Variants in CUL3 observed in about 807,000 individuals in gnomAD.
CUL3 encodes cullin-3.
A neutral mutation model predicts 89.1 loss-of-function variants in CUL3; 19 were observed. That is an observed-to-expected ratio of 0.21 (90% confidence interval 0.15 to 0.31). CUL3 has a LOEUF of 0.31. Ranked by LOEUF, CUL3 falls within the 10% of genes least tolerant of loss-of-function variation. The pLI, the probability that CUL3 is intolerant of heterozygous loss-of-function variation, is 1.00. For missense variants in CUL3, 469 were observed against 942.3 expected (o/e 0.50, Z 6.58); for synonymous variants, 351 against 308.4 (o/e 1.14, Z -1.45).
chr2:224,533,001 TGAGA>T (rs1693749487), intron 3 of CUL3: 1 of 152,138 alleles, frequency 6.6e-6, no homozygotes. Flanking sequence ...CTCTTTTCTC[TGAGA>T]AATAGAAAGT....
At chr2:224,559,215 T>C (rs1438539923) in intron 1 of CUL3, among the ~76,000 whole-genome samples, 1 of 152,044 alleles carries the variant, frequency 6.6e-6, no homozygotes, top group African/African-American at 2.4e-5. Flanking sequence ...TTTGGGAGAC[T>C]GAGGCAGAAG....
intron 1 of CUL3, 112 bp from the exon 2 acceptor site, chr2:224,557,968 G>A (rs980319645): frequency 3.3e-6 from 2 of 604,340 alleles, no homozygotes; most frequent in African/African-American, 3.8e-5. Flanking sequence ...ATATAGATAT[G>A]ATTATAAATC....
At chr2:224,494,837 A>C (rs1432833913) in intron 13 of CUL3, among the ~76,000 whole-genome samples, 1 of 152,200 alleles carries the variant, frequency 6.6e-6, no homozygotes, top group African/African-American at 2.4e-5. Flanking sequence ...AGGGTAGGCA[A>C]TAATTTCTTA....
rs1245792538 is a variant in CUL3 at position 224,511,372 on chromosome 2, T to G, written c.865A>C (p.Lys289Gln). The change falls in exon 6 of 16, where the codon AAA becomes CAA. Residue 289 changes from lysine (K) to glutamine (Q), a missense_variant. Lys to Gln is a moderately conservative substitution (Grantham distance 53). Coordinates refer to ENST00000264414, the MANE Select transcript of CUL3 (RefSeq NM_003590.5). ...MENSGLVHML[K>Q]NGKTEDLGCM... ...CACTTACCTTCTGTCTTTCCATTTT[T>G]CAACATATGTACTAGCCCAGAATTC... The G allele has an allele frequency of 6.2e-7, 1 of 1,606,094 alleles. No individual in the cohort carries two copies. Among genetic ancestry groups the G allele is most frequent in the South Asian group, 1.1e-5 (1 of 89,516 alleles).
At chr2:224,550,940 T>C (rs1694489986) in intron 2 of CUL3, among the ~76,000 whole-genome samples, 2 of 152,202 alleles carry the variant, frequency 1.3e-5, no homozygotes, top group Non-Finnish European at 2.9e-5. Flanking sequence ...TGGCATGATA[T>C]GATCTGGCTT....
At chr2:224,581,650 G>A (rs921524480) in intron 1 of CUL3, among the ~76,000 whole-genome samples, 1 of 151,154 alleles carries the variant, frequency 6.6e-6, no homozygotes, top group Non-Finnish European at 1.5e-5. Context: ...TTATAGGCGT[G>A]TATCACCACA....
At chr2:224,515,258 T>C (rs1692996921) in intron 3 of CUL3, among the ~76,000 whole-genome samples, 1 of 152,240 alleles carries the variant, frequency 6.6e-6, no homozygotes, top group Non-Finnish European at 1.5e-5. Flanking sequence ...GCATTAAGTA[T>C]TACATAATTA....
chr2:224,490,584 G>A (rs936989433), intron 13 of CUL3, among the ~76,000 whole-genome samples: 1 of 151,972 alleles, frequency 6.6e-6, no homozygotes, highest in African/African-American at 2.4e-5. Flanking sequence ...TCCGCACAAG[G>A]GGAGAAAAAC....
At chr2:224,497,985 T>C (rs1574629403) in intron 11 of CUL3, 136 bp from the exon 12 acceptor site, 3 of 663,316 alleles carry the variant, frequency 4.5e-6, no homozygotes, top group East Asian at 2.8e-5. Context: ...AAGGAAACTT[T>C]AGGAATCAAG....
intron 1 of CUL3, chr2:224,563,075 C>T (rs1032808388): frequency 2.5e-5 from 9 of 366,748 alleles, no homozygotes; most frequent in African/African-American, 1.1e-4. Flanking sequence ...ATCTCTTGAA[C>T]GCTCATCGAC....
chr2:224,542,584 C>G (rs529916956), intron 2 of CUL3, among the ~76,000 whole-genome samples: 1 of 151,806 alleles, frequency 6.6e-6, no homozygotes, highest in Non-Finnish European at 1.5e-5. Context: ...CGCGCGCATG[C>G]GTGTGTAGGT....
At chr2:224,501,459 T>G (rs1692385786) in intron 10 of CUL3, among the ~76,000 whole-genome samples, 1 of 152,210 alleles carries the variant, frequency 6.6e-6, no homozygotes, top group Non-Finnish European at 1.5e-5. Flanking sequence ...CAACAAAAAC[T>G]CTTAAAGATT....
rs1446452349 is a variant in CUL3, at chr2:224,470,987, T to A, written c.*3258A>T. On this transcript the variant is annotated 3_prime_UTR_variant, in exon 16 of 16. Transcript: ENST00000264414. Reference sequence around the variant, plus strand: ...CAACACTGGTATAATGACAGTTATGTCACATAAAGCCAATATGACAACTAA... The same window carrying A: ...CAACACTGGTATAATGACAGTTATGACACATAAAGCCAATATGACAACTAA... 4.4e-6 allele frequency: 1 copy of A among 228,642 alleles called. No individual in the cohort carries two copies. The highest frequency in any genetic ancestry group is 5.7e-5 in the Admixed American group (1 of 17,644). 14.2% of individuals were successfully genotyped at this position (228,642 alleles called of 1,614,324 possible).
At chr2:224,542,334 CTTTT>C (rs1559198768) in intron 2 of CUL3, among the ~76,000 whole-genome samples, 2 of 152,126 alleles carry the variant, frequency 1.3e-5, no homozygotes, top group Admixed American at 1.3e-4. Flanking sequence ...AAACCTTTTT[CTTTT>C]TTTAAGAAAC....
intron 1 of CUL3, among the ~76,000 whole-genome samples, chr2:224,565,340 G>C (rs868045297): frequency 4.4e-4 from 67 of 152,302 alleles, no homozygotes; most frequent in Middle Eastern, 6.8e-3. Flanking sequence ...ACATTCAGTA[G>C]GCTGAGGTGT....
intron 13 of CUL3, among the ~76,000 whole-genome samples, chr2:224,489,430 GC>G (rs1691866861): frequency 6.6e-6 from 1 of 152,196 alleles, no homozygotes; most frequent in Non-Finnish European, 1.5e-5. Flanking sequence ...AAATCAATGT[GC>G]AGAAATCACA....
intron 1 of CUL3, among the ~76,000 whole-genome samples, chr2:224,561,923 G>C (rs1020391288): frequency 6.6e-6 from 1 of 152,192 alleles, no homozygotes; most frequent in East Asian, 1.9e-4. Flanking sequence ...AAAATACTCA[G>C]AACAATTTCA....
chr2:224,501,378 C>T (rs1482635711), intron 10 of CUL3, among the ~76,000 whole-genome samples: 1 of 152,176 alleles, frequency 6.6e-6, no homozygotes, highest in Non-Finnish European at 1.5e-5. Context: ...TACTTCTATG[C>T]TAGTATCAAC....
intron 2 of CUL3, among the ~76,000 whole-genome samples, chr2:224,546,615 T>C (rs570122871): frequency 6.6e-6 from 1 of 151,836 alleles, no homozygotes; most frequent in Admixed American, 6.6e-5. Context: ...CCTCCTTCAT[T>C]TATTCACTTA....
Sources: gnomAD v4.1 joint callset for allele counts (sites outside exome capture counted in the v4.1 genomes callset) on GRCh38, gnomAD v4.1.1 for gene constraint, MANE v1.5 for transcripts, NCBI Gene and HGNC (gene_info 2026-07-23, HGNC 2026-07-21) for gene names.